Variants in SHROOM2 observed in about 807,000 individuals in gnomAD.
The protein encoded by SHROOM2 is protein Shroom2.
A neutral mutation model predicts 75.9 loss-of-function variants in SHROOM2; 33 were observed. That is an observed-to-expected ratio of 0.43 (90% CI 0.33 to 0.58). SHROOM2 has a LOEUF of 0.58. Among genes scored for constraint, SHROOM2 ranks in the 20% least tolerant of loss-of-function variants. SHROOM2 has a pLI of 0.04. For missense variants in SHROOM2, 1,434 were observed against 1,461.2 expected (o/e 0.98, Z 0.30); for synonymous variants, 655 against 663.6 (o/e 0.99, Z 0.20).
chrX:9,833,519 A>G (rs758595953), intron 1 of SHROOM2, among the ~76,000 whole-genome samples: 1 of 110,383 alleles, frequency 9.1e-6, no homozygotes, highest in South Asian at 3.9e-4. Context: ...CGGACCTCCT[A>G]ATTAGGGACC....
chrX:9,941,121 T>G (rs1569179883), intron 8 of SHROOM2, among the ~76,000 whole-genome samples: 2 of 111,994 alleles, frequency 1.8e-5, no homozygotes, highest in Non-Finnish European at 3.8e-5. Flanking sequence ...TTAGAATCTT[T>G]GAGAATTATG....
chrX:9,868,257 A>T (rs1267007583), intron 1 of SHROOM2, among the ~76,000 whole-genome samples: 11 of 108,040 alleles, frequency 1.0e-4, no homozygotes, highest in East Asian at 2.9e-4. Flanking sequence ...TTATTTATTT[A>T]TTTTTTTAGA....
At chrX:9,931,242 A>T (rs750413665) in intron 5 of SHROOM2, among the ~76,000 whole-genome samples, 59 of 109,286 alleles carry the variant, frequency 5.4e-4, no homozygotes, top group African/African-American at 1.9e-3. Flanking sequence ...TGCCCTCCCA[A>T]CACTTTGGGA....
At chrX:9,789,466 G>A (rs995234872) in intron 1 of SHROOM2, among the ~76,000 whole-genome samples, 1 of 111,605 alleles carries the variant, frequency 9.0e-6, no homozygotes, top group African/African-American at 3.3e-5. Context: ...GCTGTTGTTA[G>A]AGAGGGGGCA....
intron 1 of SHROOM2, among the ~76,000 whole-genome samples, chrX:9,813,540 C>T (rs1186765660): frequency 1.8e-5 from 2 of 111,358 alleles, no homozygotes; most frequent in African/African-American, 6.5e-5. Context: ...GAAAGAGTCA[C>T]CACATAAATT....
At chrX:9,942,438 A>AC (rs775150584) in intron 8 of SHROOM2, among the ~76,000 whole-genome samples, 1 of 110,906 alleles carries the variant, frequency 9.0e-6, no homozygotes, top group Non-Finnish European at 1.9e-5. Flanking sequence ...CCAAGACTGC[A>AC]CCCCCCACAC....
At chrX:9,836,157 C>T (rs941738845) in intron 1 of SHROOM2, among the ~76,000 whole-genome samples, 3 of 112,162 alleles carry the variant, frequency 2.7e-5, no homozygotes, top group African/African-American at 3.2e-5. Flanking sequence ...CCAAGGCAGC[C>T]GTCTTTGCAC....
chrX:9,918,187 G>C (rs1299469614), intron 5 of SHROOM2, among the ~76,000 whole-genome samples: 1 of 112,849 alleles, frequency 8.9e-6, no homozygotes, highest in South Asian at 3.6e-4. Context: ...TCCCGAGGTC[G>C]GGTGCTGTGC....
rs2084296697 is a variant in SHROOM2 at position 9,892,013 on chromosome X, A to G, written c.449+905A>G. 3.6e-5 allele frequency among the ~76,000 whole-genome samples: 4 copies of G among 110,104 alleles called. No individual in the cohort carries two copies. In the South Asian group the frequency reaches 1.2e-3, roughly 33 times the overall value. ...AATGGTTCATGTCTGTAATCCCAACACTTTGGGAAGCTAAGGTGGGAAGAT... is the reference window on the plus strand; with the variant it reads ...AATGGTTCATGTCTGTAATCCCAACGCTTTGGGAAGCTAAGGTGGGAAGAT... On this transcript the variant is annotated intron_variant, in intron 3 of 9. Coordinates refer to ENST00000380913, the MANE Select transcript of SHROOM2 (RefSeq NM_001649.4).
At chrX:9,792,056 GAAT>G (rs2083657652) in intron 1 of SHROOM2, among the ~76,000 whole-genome samples, 2 of 2,514 alleles carry the variant, frequency 8.0e-4, no homozygotes, top group African/African-American at 2.2e-3. Flanking sequence ...GAATAGAATA[GAAT>G]AGAATAGAAT....
rs912513466 is a variant in SHROOM2 at position 9,932,856 on chromosome X, T to A, written c.3573T>A (p.Asp1191Glu). The change falls in exon 6 of 10, where the codon GAT (aspartate) becomes GAA (glutamate). Residue 1191 changes from aspartate (D) to glutamate (E), a missense_variant. This residue lies in a region of SHROOM2 where 1,340 missense variants were observed against 1,338.3 expected (regional missense o/e 1.00). Transcript: ENST00000380913. The stretch of plus-strand genomic sequence containing the variant: ...ACAAACCTCCCCTGCTCATCCAGGA[T>A]GAGGATTCAACCAGGTACTGTCCTG... ...LTDKPPLLIQ[D>E]EDSTRIERVM... is the part of the protein sequence containing the mutation. The A allele has an allele frequency of 4.0e-5, 48 of 1,190,930 alleles. 1 individual carries two copies. Among genetic ancestry groups the A allele is most frequent in the Non-Finnish European group, 5.1e-5 (45 of 888,326 alleles).
chrX:9,945,912 TAAAA>T (rs2084814171), intron 9 of SHROOM2, among the ~76,000 whole-genome samples: 1 of 112,905 alleles, frequency 8.9e-6, no homozygotes, highest in African/African-American at 3.2e-5. Context: ...GTATCATGAA[TAAAA>T]CATCTTAACC....
At chrX:9,883,760 G>T (rs138575874) in intron 2 of SHROOM2, among the ~76,000 whole-genome samples, 1,802 of 111,502 alleles carry the variant, frequency 0.016, 48 homozygotes, top group African/African-American at 0.054. Context: ...GGATTGGCAG[G>T]AAAAGGAAGG....
chrX:9,811,169 G>C (rs1466041219), intron 1 of SHROOM2, among the ~76,000 whole-genome samples: 1 of 112,107 alleles, frequency 8.9e-6, no homozygotes, highest in African/African-American at 3.2e-5. Context: ...GTAGCTGGCT[G>C]ATCACCCTGA....
intron 1 of SHROOM2, among the ~76,000 whole-genome samples, chrX:9,840,372 A>G (rs1334806577): frequency 9.0e-6 from 1 of 111,463 alleles, no homozygotes; most frequent in African/African-American, 3.3e-5. Flanking sequence ...GGATCAAGCA[A>G]TTCTCCCACC....
chrX:9,936,738 G>C (rs1019055801), intron 6 of SHROOM2, among the ~76,000 whole-genome samples: 12 of 112,215 alleles, frequency 1.1e-4, no homozygotes, highest in African/African-American at 3.9e-4. Flanking sequence ...CCTGGAAAAT[G>C]CCCATCCACT....
chrX:9,939,400 G>A (rs1011395299), intron 8 of SHROOM2, 34 bp downstream of exon 8: 12 of 1,142,611 alleles, frequency 1.1e-5, no homozygotes, highest in South Asian at 4.1e-5. Flanking sequence ...CAGCGTGTGC[G>A]TGTCCAGGCA....
At chrX:9,823,020 TCTCCTTCTCCTCCTCCTCCTCCTCCTC>T (rs2083862562) in intron 1 of SHROOM2, among the ~76,000 whole-genome samples, 2 of 56,785 alleles carry the variant, frequency 3.5e-5, no homozygotes, top group African/African-American at 1.3e-4. Context: ...TTCTTCTCCT[TCTCCTTCTCCTCCTCCTCCTCCTCCTC>T]CTCCTCCTCC....
intron 2 of SHROOM2, among the ~76,000 whole-genome samples, chrX:9,890,588 C>G (rs2084284482): frequency 1.8e-5 from 2 of 113,065 alleles, no homozygotes; most frequent in African/African-American, 6.4e-5. Flanking sequence ...TGTGCGCATT[C>G]CCTGAACCCC....
Sources: allele counts gnomAD v4.1 joint callset (sites outside exome capture counted in the v4.1 genomes callset), GRCh38; gene constraint gnomAD v4.1.1; regional missense constraint gnomAD v4.1.1; transcripts MANE v1.5; gene names NCBI Gene and HGNC (gene_info 2026-07-23, HGNC 2026-07-21).